Variants in BLZF1 observed in about 807,000 individuals in gnomAD.
The protein encoded by BLZF1 is golgin-45.
BLZF1 carries 39 observed loss-of-function variants against 43.8 expected under a neutral mutation model. The observed-to-expected ratio is 0.89, with a 90% CI of 0.69 to 1.16. BLZF1 has a LOEUF of 1.16. Ranked by LOEUF, BLZF1 falls within the 50% of genes most tolerant of loss-of-function variation. BLZF1 has a pLI of 0.00. For missense variants in BLZF1, 449 were observed against 469.8 expected, an observed-to-expected ratio of 0.96 and a Z score of 0.41; for synonymous variants, 136 against 159.4, an observed-to-expected ratio of 0.85 and a Z score of 1.11.
intron 7 of BLZF1, chr1:169,394,975 G>C: frequency 7.5e-7 from 1 of 1,328,276 alleles, no homozygotes; most frequent in African/African-American, 1.5e-5. Flanking sequence ...TACAACCAAA[G>C]TACACAGACC....
At chr1:169,374,269 C>T (rs1052762426) in intron 2 of BLZF1, among the ~76,000 whole-genome samples, 2 of 151,796 alleles carry the variant, frequency 1.3e-5, no homozygotes, top group Admixed American at 6.6e-5. Context: ...TGCCTGTAGT[C>T]CCATCTACTT....
intron 2 of BLZF1, 59 bp downstream of exon 2, chr1:169,369,609 C>A (rs1165298306): frequency 2.7e-5 from 36 of 1,339,210 alleles, no homozygotes; most frequent in Non-Finnish European, 2.7e-5. Flanking sequence ...TGTGAAGGAA[C>A]GTTTGAGCCA....
intron 7 of BLZF1, chr1:169,394,721 T>G (rs1654916452): frequency 5.9e-6 from 1 of 168,138 alleles, no homozygotes; most frequent in African/African-American, 2.4e-5. Context: ...CCATTGTAAT[T>G]TTTTAAAAAT....
In BLZF1 at chr1:169,394,603, T is replaced by C. The variant is rs561736768; in HGVS notation, c.*28-1291T>C. ...AACGGGTGGAATTAGGCCTACCCTATTGCTTAGCTTGCCATGATTATTCAA... is the reference window on the plus strand; with the variant it reads ...AACGGGTGGAATTAGGCCTACCCTACTGCTTAGCTTGCCATGATTATTCAA... On this transcript the variant is annotated intron_variant, in intron 7 of 7. Transcript: ENST00000329281. Among the ~76,000 whole-genome samples the C allele has an allele frequency of 1.7e-4, 26 of 152,292 alleles. No homozygotes were observed. The East Asian group carries it at 3.1e-3, about 18-fold the overall frequency.
At position 169,369,498 on chromosome 1, in the gene BLZF1, C is replaced by T; in HGVS notation, c.-25C>T. ...GTTGTTCAGCAGAAGTCTTGGAGTG[C>T]ATTTTCAGTGGTTAAGGTGAAAAAA... On this transcript the variant is annotated 5_prime_UTR_variant, in exon 2 of 7. Coordinates refer to ENST00000367808, the MANE Select transcript of BLZF1 (RefSeq NM_001320973.2). 1 of 1,604,986 alleles carries T rather than the reference C, an allele frequency of 6.2e-7. No homozygotes were observed. Among genetic ancestry groups the T allele is most frequent in the Non-Finnish European group, 8.5e-7 (1 of 1,175,082 alleles).
chr1:169,387,069 A>G lies in BLZF1; in HGVS notation c.1090A>G (p.Thr364Ala), dbSNP rs1654696238. The change falls in exon 7 of 7, where the codon ACC becomes GCC. Residue 364 changes from threonine to alanine, a missense_variant. Transcript: ENST00000367808. ...PDNPFFESSP[T>A]TLLATKKNIG... ...TAATCCATTTTTTGAGTCTTCACCA[A>G]CCACCTTACTTGCTACAAAGAAAAA... is the stretch of plus-strand genomic sequence containing the variant. The G allele has an allele frequency of 6.2e-7, 1 of 1,613,540 alleles. No homozygotes were observed. Among genetic ancestry groups the G allele is most frequent in the Non-Finnish European group, 8.5e-7 (1 of 1,179,702 alleles).
chr1:169,370,262 C>G (rs1280509608), intron 2 of BLZF1, among the ~76,000 whole-genome samples: 1 of 152,216 alleles, frequency 6.6e-6, no homozygotes, highest in African/African-American at 2.4e-5. Context: ...TAACTAATTA[C>G]ATCTGCAGTG....
chr1:169,371,601 C>T (rs1238770651), intron 2 of BLZF1, among the ~76,000 whole-genome samples: 2 of 152,234 alleles, frequency 1.3e-5, no homozygotes, highest in African/African-American at 4.8e-5. Context: ...GAGATAAGTA[C>T]GGTTGTTTGG....
Position 169,382,081 on chromosome 1 carries a change from G to GTT in BLZF1, c.819_820dup (p.Ser274PhefsTer23). ...ATGCAGATTATTGGAGGAGCTCTTAGTTTCCTTGCAATGGGGAAGAGAGCA... is the reference window on the plus strand; with the variant it reads ...ATGCAGATTATTGGAGGAGCTCTTAGTTTTTCCTTGCAATGGGGAAGAGAGCA... On this transcript the variant is annotated frameshift_variant, in exon 6 of 7. Coordinates refer to ENST00000367808, the MANE Select transcript of BLZF1 (RefSeq NM_001320973.2). LOFTEE classifies it high-confidence loss of function. 1.2e-6 allele frequency: 2 copies of GTT among 1,613,506 alleles called. No individual in the cohort carries two copies. The highest frequency in any genetic ancestry group is 1.7e-6 in the Non-Finnish European group (2 of 1,179,566).
chr1:169,380,012 G>A (rs78045220), intron 4 of BLZF1, among the ~76,000 whole-genome samples: 8 of 151,724 alleles, frequency 5.3e-5, no homozygotes, highest in Middle Eastern at 6.8e-3. Flanking sequence ...AAACTTTGTT[G>A]ACTGCATATA....
At chr1:169,368,825 T>C (rs1398313633) in intron 1 of BLZF1, among the ~76,000 whole-genome samples, 1 of 152,198 alleles carries the variant, frequency 6.6e-6, no homozygotes, top group Non-Finnish European at 1.5e-5. Context: ...CCAGTTGTCA[T>C]CTAGTGTACA....
chr1:169,392,765 G>A (rs1654846083), downstream of BLZF1, among the ~76,000 whole-genome samples: 1 of 152,140 alleles, frequency 6.6e-6, no homozygotes, highest in Non-Finnish European at 1.5e-5. Context: ...ATTACCAGTA[G>A]CCAATGATTT....
intron 5 of BLZF1, among the ~76,000 whole-genome samples, 167 bp downstream of exon 5, chr1:169,380,776 A>G (rs1654501566): frequency 6.6e-6 from 1 of 152,034 alleles, no homozygotes; most frequent in South Asian, 2.1e-4. Flanking sequence ...TCTGGGAGGG[A>G]AGAGGACTGA....
chr1:169,373,069 C>T (rs955673724), intron 2 of BLZF1, among the ~76,000 whole-genome samples: 1 of 151,654 alleles, frequency 6.6e-6, no homozygotes, highest in African/African-American at 2.4e-5. Context: ...TCAATTTTAC[C>T]TTTTGGTTCA....
chr1:169,390,572 G>GT (rs1654793325), downstream of BLZF1, among the ~76,000 whole-genome samples: 1 of 152,108 alleles, frequency 6.6e-6, no homozygotes, highest in Non-Finnish European at 1.5e-5. Flanking sequence ...TTCCTAGAAA[G>GT]ACATGTATTA....
rs115015774 is a variant in BLZF1 at position 169,380,859 on chromosome 1, C to G, written c.797+250C>G. 2.0e-3 allele frequency among the ~76,000 whole-genome samples: 298 copies of G among 152,082 alleles called. 4 individuals carry two copies. Among genetic ancestry groups the G allele is most frequent in the African/African-American group, 7.0e-3 (289 of 41,500 alleles). On this transcript the variant is annotated intron_variant, in intron 5 of 6. Transcript: ENST00000367808. ...GTTATATCTGTAGTAGAAGGATTCT[C>G]TGGATTTAAAAGCAATTGCTGGTAA...
chr1:169,391,630 T>C (rs894694040), downstream of BLZF1, among the ~76,000 whole-genome samples: 6 of 152,240 alleles, frequency 3.9e-5, no homozygotes, highest in Admixed American at 1.3e-4. Flanking sequence ...TACAAAGTTT[T>C]CCAGAGCTTA....
In BLZF1 at chr1:169,393,682, A is replaced by G. The variant is rs1472876404; in HGVS notation, c.*28-2212A>G. Among the ~76,000 whole-genome samples, 4 of 142,664 alleles carry G rather than the reference A, an allele frequency of 2.8e-5. No individual in the cohort carries two copies. In the East Asian group the frequency reaches 9.6e-4, roughly 34 times the overall value. 93.6% of individuals were successfully genotyped at this position (142,664 alleles called of 152,430 possible). A position where few individuals can be genotyped will look rare whatever the true frequency, so the allele number is the denominator to read the frequency against. On this transcript the variant is annotated intron_variant, in intron 7 of 7. Coordinates refer to the BLZF1 transcript ENST00000329281. ...AGTGATGCAATCTTGGCTCACTGCA[A>G]CCTCCACTTCTGGGGTTCAAGCGAT...
chr1:169,371,787 A>G (rs1405872512), intron 2 of BLZF1, among the ~76,000 whole-genome samples: 1 of 152,212 alleles, frequency 6.6e-6, no homozygotes, highest in Non-Finnish European at 1.5e-5. Context: ...AAATAAAGCT[A>G]TTAAAGTCAA....
Sources: gnomAD v4.1 joint callset for allele counts (sites outside exome capture counted in the v4.1 genomes callset) on GRCh38, gnomAD v4.1.1 for gene constraint, MANE v1.5 for transcripts, NCBI Gene and HGNC (gene_info 2026-07-23, HGNC 2026-07-21) for gene names.